TRMT5: variants seen among roughly 807,000 people sequenced by gnomAD.
TRMT5 encodes the protein tRNA methyltransferase 5.
Under a neutral mutation model 42.2 loss-of-function variants are expected in TRMT5, and 31 were observed. The ratio of observed to expected loss-of-function variants is 0.73; its 90% CI spans 0.55 to 0.99. TRMT5 has a LOEUF of 0.99. Among genes scored for constraint, TRMT5 ranks in the 50% least tolerant of loss-of-function variants. The probability of loss-of-function intolerance (pLI) is 0.00; values close to 1 mark genes in which losing one functional copy is unlikely to be tolerated. For synonymous variants in TRMT5, 198 were observed against 209.6 expected (o/e 0.94, Z 0.48); for missense variants, 568 against 595.0 (o/e 0.95, Z 0.47).
Position 60,971,987 on chromosome 14 carries a change from AAATCCCTCCTCCTGGGAGCCAAGAG to A in TRMT5, c.*3097_*3121del. The A allele has an allele frequency of 3.8e-6, 1 of 266,070 alleles. No homozygotes were observed. The highest frequency in any genetic ancestry group is 7.3e-6 in the Non-Finnish European group (1 of 136,662). 16.5% of individuals were successfully genotyped at this position (266,070 alleles called of 1,614,324 possible). A position where few individuals can be genotyped will look rare whatever the true frequency, so the allele number is the denominator to read the frequency against. On this transcript the variant is annotated 3_prime_UTR_variant, in exon 5 of 5. Coordinates refer to ENST00000261249, the MANE Select transcript of TRMT5 (RefSeq NM_020810.3). Reference sequence around the variant, plus strand: ...GGTGGCCATGTGTGTCAAAGTCAGGAAATCCCTCCTCCTGGGAGCCAAGAGGAAGTCTCTCAAAACTAGAAGGGAA... The same window carrying A: ...GGTGGCCATGTGTGTCAAAGTCAGGAGAAGTCTCTCAAAACTAGAAGGGAA...
upstream of TRMT5, chr14:60,981,556 T>A (rs1236773162): frequency 6.5e-7 from 1 of 1,529,632 alleles, no homozygotes; most frequent in East Asian, 2.5e-5. Context: ...ATTGGCGCAG[T>A]TATGAACGTG....
chr14:60,972,156 A>C lies in TRMT5; in HGVS notation c.*2953T>G. The C allele has an allele frequency of 2.5e-6, 1 of 403,526 alleles. No individual in the cohort carries two copies. Among genetic ancestry groups the C allele is most frequent in the African/African-American group, 2.1e-5 (1 of 47,762 alleles). 25.0% of individuals were successfully genotyped at this position (403,526 alleles called of 1,614,324 possible). On this transcript the variant is annotated 3_prime_UTR_variant, in exon 5 of 5. Coordinates refer to ENST00000261249, the MANE Select transcript of TRMT5 (RefSeq NM_020810.3). ...TAACAACATAGCTTAAAAAAAGTAA[A>C]ACAAAATTCTGCATTTTTATAAAAC...
Position 60,975,537 on chromosome 14 carries a change from A to G in TRMT5, c.1382T>C (p.Met461Thr). ...AGGAATCTGAAACGTGATGCACAGC[A>G]TTTCCTTGTTTGGGGCCACATTTCT... ...LVRNVAPNKE[M>T]LCITFQIPAS... Residue 461 changes from methionine (M) to threonine (T), a missense_variant, in exon 4 of 5, where the codon ATG (methionine) becomes ACG (threonine). By Grantham distance (81) the Met-to-Thr change is moderately conservative (BLOSUM62 -1). Coordinates refer to ENST00000261249, the MANE Select transcript of TRMT5 (RefSeq NM_020810.3). The G allele has an allele frequency of 2.5e-6, 4 of 1,614,174 alleles. No homozygotes were observed. Among genetic ancestry groups the G allele is most frequent in the Non-Finnish European group, 3.4e-6 (4 of 1,180,008 alleles).
In TRMT5 at chr14:60,973,066, A is replaced by G. The variant is rs2036797761; in HGVS notation, c.*2043T>C. On this transcript the variant is annotated 3_prime_UTR_variant, in exon 5 of 5. Coordinates refer to ENST00000261249, the MANE Select transcript of TRMT5 (RefSeq NM_020810.3). Reference sequence around the variant, plus strand: ...GCTGAACTCAGAAAATATACTCACTAAAATTTGTGGGAATGGAAATCTTGT... The same window carrying G: ...GCTGAACTCAGAAAATATACTCACTGAAATTTGTGGGAATGGAAATCTTGT... 6.6e-6 allele frequency: 1 copy of G among 152,222 alleles called. No individual in the cohort carries two copies. Among genetic ancestry groups the G allele is most frequent in the African/African-American group, 2.4e-5 (1 of 41,448 alleles). 9.4% of individuals were successfully genotyped at this position (152,222 alleles called of 1,614,324 possible).
chr14:60,981,134 C>T (rs556647178), upstream of TRMT5: 9 of 1,551,468 alleles, frequency 5.8e-6, no homozygotes, highest in Non-Finnish European at 3.5e-6. Flanking sequence ...CAAGTCGACT[C>T]GCTCCTCTCC....
chr14:60,979,163 T>A (rs1046414423), intron 2 of TRMT5, 68 bp downstream of exon 2: 77 of 1,406,810 alleles, frequency 5.5e-5, no homozygotes, highest in Non-Finnish European at 7.4e-5. Context: ...AAAAAATAAT[T>A]TTTAAAGCTA....
Position 60,981,070 on chromosome 14 carries a change from G to T in TRMT5, c.-97C>A, listed in dbSNP as rs947315668. 15 of 1,605,192 alleles carry T rather than the reference G, an allele frequency of 9.3e-6. No individual in the cohort carries two copies. In the Admixed American group the frequency reaches 1.3e-4, roughly 14 times the overall value. ...GATGTGGGTCGCGGGTGGATGGGCG[G>T]GTCTTCTATGACATCATCACTGTTC... On this transcript the variant is annotated 5_prime_UTR_variant, in exon 1 of 5. Transcript: ENST00000261249.
chr14:60,975,624 C>G lies in TRMT5; in HGVS notation c.1295G>C (p.Arg432Pro). 1.2e-6 allele frequency: 2 copies of G among 1,614,138 alleles called. No homozygotes were observed. The highest frequency in any genetic ancestry group is 1.7e-6 in the Non-Finnish European group (2 of 1,180,030). ...GCCTAACACAGCTCCAGCCCTTTGC[C>G]GAACATCCTCAGCAGGGTTAGCATC... Reference protein sequence around the residue: ...SKDANPAEDVRQRAGAVLGIS... With the variant: ...SKDANPAEDVPQRAGAVLGIS... The change falls in exon 4 of 5, where the codon CGG becomes CCG. Residue 432 changes from arginine (R) to proline (P), a missense_variant. Physicochemically the swap from Arg to Pro is moderately radical, Grantham distance 103. Transcript: ENST00000261249.
chr14:60,978,287 C>G (rs2036873757), intron 2 of TRMT5, among the ~76,000 whole-genome samples: 1 of 152,182 alleles, frequency 6.6e-6, no homozygotes, highest in African/African-American at 2.4e-5. Flanking sequence ...AATCTATATG[C>G]TATCTCATTG....
At position 60,973,903 on chromosome 14, in the gene TRMT5, T is replaced by C. The variant is rs563259682; in HGVS notation, c.*1206A>G. 1 of 152,332 alleles carries C rather than the reference T, an allele frequency of 6.6e-6. No individual in the cohort carries two copies. Among genetic ancestry groups the C allele is most frequent in the South Asian group, 2.1e-4 (1 of 4,824 alleles). 9.4% of individuals were successfully genotyped at this position (152,332 alleles called of 1,614,324 possible). A position where few individuals can be genotyped will look rare whatever the true frequency, so the allele number is the denominator to read the frequency against. On this transcript the variant is annotated 3_prime_UTR_variant, in exon 5 of 5. Transcript: ENST00000261249. ...AGACTTACTGTTGTTGCAGCCTCAT[T>C]TTCATTTTGTGAAGAAATTCTGCTT...
chr14:60,981,231 A>C, upstream of TRMT5: 1 of 1,564,258 alleles, frequency 6.4e-7, no homozygotes, highest in Non-Finnish European at 8.7e-7. Context: ...AGCGCAGGGC[A>C]GGGGTAGAGG....
Position 60,975,117 on chromosome 14 carries a change from T to C in TRMT5, c.1522A>G (p.Asn508Asp). The C allele has an allele frequency of 6.2e-7, 1 of 1,608,510 alleles. No individual in the cohort carries two copies. The highest frequency in any genetic ancestry group is 8.5e-7 in the Non-Finnish European group (1 of 1,177,982). Residue 508 changes from asparagine (N) to aspartate (D), a missense_variant, in exon 5 of 5, where the codon AAC (asparagine) becomes GAC (aspartate). Physicochemically the swap from Asn to Asp is conservative, Grantham distance 23. Transcript: ENST00000261249. ...GGAGAAAACATTTCCAATTAAGTGT[T>C]TGAAACAATTTGTGTTTTTTCGTCT... is the stretch of plus-strand genomic sequence containing the variant. ...FSDEKTQIVS[N>D]T is the part of the protein sequence containing the mutation.
intron 3 of TRMT5, 134 bp downstream of exon 3, chr14:60,977,380 A>G (rs2036861432): frequency 2.6e-6 from 2 of 775,246 alleles, no homozygotes; most frequent in Non-Finnish European, 3.8e-6. Flanking sequence ...TATTCCATCA[A>G]TAGCATACAT....
In TRMT5 at chr14:60,975,127, T is replaced by C. The variant is rs757111083; in HGVS notation, c.1512A>G (p.Gln504=). Residue 504 remains glutamine (Q), a synonymous_variant, in exon 5 of 5, where the codon CAA becomes CAG. Transcript: ENST00000261249. The part of the protein sequence containing the change: ...TAEAFSDEKT[Q]IVSNT ...TTTCCAATTAAGTGTTTGAAACAATTTGTGTTTTTTCGTCTGAAAAGGCTT... is the reference window on the plus strand; with the variant it reads ...TTTCCAATTAAGTGTTTGAAACAATCTGTGTTTTTTCGTCTGAAAAGGCTT... The C allele has an allele frequency of 8.1e-6, 13 of 1,609,948 alleles. No individual in the cohort carries two copies. In the South Asian group the frequency reaches 1.2e-4, roughly 15 times the overall value.
intron 3 of TRMT5, among the ~76,000 whole-genome samples, chr14:60,976,439 T>C (rs1321339123): frequency 1.3e-5 from 2 of 152,214 alleles, no homozygotes; most frequent in Non-Finnish European, 2.9e-5. Flanking sequence ...GAGGAATTTT[T>C]CAGACAGGCC....
At position 60,972,904 on chromosome 14, in the gene TRMT5, C is replaced by T. The variant is rs1404181289; in HGVS notation, c.*2205G>A. The T allele has an allele frequency of 1.3e-5, 2 of 152,498 alleles. No homozygotes were observed. 9.4% of individuals were successfully genotyped at this position (152,498 alleles called of 1,614,324 possible). A position where few individuals can be genotyped will look rare whatever the true frequency, so the allele number is the denominator to read the frequency against. On this transcript the variant is annotated 3_prime_UTR_variant, in exon 5 of 5. Transcript: ENST00000261249. ...TTGTAAAATTCTTTTACATTTCTTC[C>T]CTTGAAATTTGCCTTTTAGCATGTC...
At position 60,973,714 on chromosome 14, in the gene TRMT5, T is replaced by C. The variant is rs914362764; in HGVS notation, c.*1395A>G. On this transcript the variant is annotated 3_prime_UTR_variant, in exon 5 of 5. Transcript: ENST00000261249. ...AATCATTTCCTTTTTAAAGTGACTA[T>C]TTATGTCGCTTTCAATGTCCTTAAC... The C allele has an allele frequency of 6.6e-6, 1 of 152,192 alleles. No homozygotes were observed. Among genetic ancestry groups the C allele is most frequent in the Non-Finnish European group, 1.5e-5 (1 of 68,030 alleles). The allele number at this position is 152,192 out of a possible 1,614,324, so 9.4% of individuals were successfully genotyped here.
chr14:60,979,210 A>C (rs1431532877), intron 2 of TRMT5, 21 bp downstream of exon 2: 4 of 1,539,478 alleles, frequency 2.6e-6, no homozygotes, highest in Non-Finnish European at 3.5e-6. Context: ...AAATACATGA[A>C]TATTACTATG....
chr14:60,975,624 C>T lies in TRMT5; in HGVS notation c.1295G>A (p.Arg432Gln), dbSNP rs1329310821. 5 of 1,614,138 alleles carry T rather than the reference C, an allele frequency of 3.1e-6. No homozygotes were observed. The highest frequency in any genetic ancestry group is 1.1e-5 in the South Asian group (1 of 91,072). Reference protein sequence around the residue: ...SKDANPAEDVRQRAGAVLGIS... With the variant: ...SKDANPAEDVQQRAGAVLGIS... ...GCCTAACACAGCTCCAGCCCTTTGC[C>T]GAACATCCTCAGCAGGGTTAGCATC... is the stretch of plus-strand genomic sequence containing the variant. The change falls in exon 4 of 5, where the codon CGG (arginine) becomes CAG (glutamine). Residue 432 changes from arginine to glutamine, a missense_variant. By Grantham distance (43) the Arg-to-Gln change is conservative. Transcript: ENST00000261249.
Sources: allele counts gnomAD v4.1 joint callset (sites outside exome capture counted in the v4.1 genomes callset), GRCh38; gene constraint gnomAD v4.1.1; transcripts MANE v1.5; gene names NCBI Gene and HGNC (gene_info 2026-07-23, HGNC 2026-07-21).